The following SORT1 variants were observed in gnomAD, a reference collection of about 807,000 sequenced individuals.
SORT1 encodes the protein sortilin 1.
Under a neutral mutation model 101.7 loss-of-function variants are expected in SORT1, and 39 were observed. The ratio of observed to expected loss-of-function variants is 0.38; its 90% CI spans 0.30 to 0.50. The LOEUF is 0.50. Among genes scored for constraint, SORT1 ranks in the 20% least tolerant of loss-of-function variants. The pLI, the probability that SORT1 is intolerant of heterozygous loss-of-function variation, is 0.90. For missense variants in SORT1, 878 were observed against 1,040.4 expected, an observed-to-expected ratio of 0.84 and a Z score of 2.15; for synonymous variants, 396 against 393.7, an observed-to-expected ratio of 1.01 and a Z score of -0.07.
chr1:109,364,249 G>C (rs1650934576), intron 3 of SORT1, among the ~76,000 whole-genome samples: 1 of 152,166 alleles, frequency 6.6e-6, no homozygotes, highest in South Asian at 2.1e-4. Flanking sequence ...TCTGATGGTG[G>C]TGGTATTTAA....
At chr1:109,333,872 C>A (rs1648623336) in intron 11 of SORT1, among the ~76,000 whole-genome samples, 1 of 152,188 alleles carries the variant, frequency 6.6e-6, no homozygotes, top group South Asian at 2.1e-4. Flanking sequence ...CAGGGCCGAG[C>A]ATGGTGGCTC....
chr1:109,315,748 CTTTTTTTTTT>C (rs553898685), intron 17 of SORT1, among the ~76,000 whole-genome samples: 15 of 124,726 alleles, frequency 1.2e-4, no homozygotes, highest in Non-Finnish European at 2.3e-4. Context: ...GCCTCATAAC[CTTTTTTTTTT>C]TTTTTTTTTT....
At chr1:109,325,273 C>T (rs1038262886) in intron 13 of SORT1, among the ~76,000 whole-genome samples, 184 bp from the exon 14 acceptor site, 1 of 125,010 alleles carries the variant, frequency 8.0e-6, no homozygotes, top group Admixed American at 1.1e-4. Flanking sequence ...GAGTCTCACT[C>T]TGTCACCGGG....
At position 109,337,913 on chromosome 1, in the gene SORT1, A is replaced by T. The variant is rs1369650352; in HGVS notation, c.1265-1567T>A. 4.6e-5 allele frequency among the ~76,000 whole-genome samples: 7 copies of T among 152,252 alleles called. No homozygotes were observed. The East Asian group carries it at 1.3e-3, about 29-fold the overall frequency. On this transcript the variant is annotated intron_variant, in intron 10 of 19. Transcript: ENST00000256637. ...AGTGCTAGGATTACACGCATGAGCC[A>T]CTACACCCAGAGTGAAAACTTTTGT...
intron 2 of SORT1, among the ~76,000 whole-genome samples, chr1:109,369,002 T>C (rs982562988): frequency 6.6e-6 from 1 of 152,160 alleles, no homozygotes; most frequent in African/African-American, 2.4e-5. Context: ...GTGTCCATCT[T>C]CCCACCGTGG....
At chr1:109,371,166 G>C (rs1482512490) in intron 1 of SORT1, among the ~76,000 whole-genome samples, 1 of 152,226 alleles carries the variant, frequency 6.6e-6, no homozygotes, top group Non-Finnish European at 1.5e-5. Flanking sequence ...GCTCGGCAGA[G>C]CTTCTCACAG....
chr1:109,341,550 T>C (rs1031490775), intron 9 of SORT1, among the ~76,000 whole-genome samples: 1 of 152,022 alleles, frequency 6.6e-6, no homozygotes, highest in East Asian at 1.9e-4. Flanking sequence ...GGGGTTTCAC[T>C]GTGTTAGCCA....
At chr1:109,314,118 A>G in intron 19 of SORT1, 61 bp from the exon 20 acceptor site, 1 of 1,608,482 alleles carries the variant, frequency 6.2e-7, no homozygotes, top group Non-Finnish European at 8.5e-7. Context: ...AAAAGCAATC[A>G]CCTAGTTTCT....
chr1:109,319,587 C>A (rs540105585), intron 15 of SORT1, among the ~76,000 whole-genome samples: 1 of 152,276 alleles, frequency 6.6e-6, no homozygotes, highest in East Asian at 1.9e-4. Flanking sequence ...AGTGTCTGGG[C>A]CGGGCGTGGT....
In SORT1 at chr1:109,340,065, C is replaced by T. The variant is rs139949469; in HGVS notation, c.1264+659G>A. Among the ~76,000 whole-genome samples the T allele has an allele frequency of 2.2e-3, 333 of 150,372 alleles. 1 individual carries two copies. Among genetic ancestry groups the T allele is most frequent in the African/African-American group, 7.9e-3 (323 of 40,950 alleles). On this transcript the variant is annotated intron_variant, in intron 10 of 19. Transcript: ENST00000256637. ...TCAGGAGGCTGAGGCAGGAGAATCC[C>T]TTGAACTTGGGAGACCAAGGTTGCA...
intron 3 of SORT1, chr1:109,366,896 A>C (rs1651126446): frequency 7.5e-6 from 1 of 133,284 alleles, no homozygotes; most frequent in Admixed American, 8.2e-5. Context: ...TGAGTGACAG[A>C]GCTAGACCCT....
At chr1:109,362,393 T>C (rs1302587343) in intron 3 of SORT1, among the ~76,000 whole-genome samples, 1 of 152,118 alleles carries the variant, frequency 6.6e-6, no homozygotes, top group South Asian at 2.1e-4. Flanking sequence ...AGGTAAAAGA[T>C]CAATAGGGAG....
At chr1:109,397,550 C>T in intron 1 of SORT1, 37 bp downstream of exon 1, 3 of 1,134,374 alleles carry the variant, frequency 2.6e-6, no homozygotes, top group Non-Finnish European at 3.2e-6. Context: ...GGCGGCACCT[C>T]GCACCCGAGC....
chr1:109,365,530 G>A (rs1245220023), intron 3 of SORT1, among the ~76,000 whole-genome samples: 2 of 152,154 alleles, frequency 1.3e-5, no homozygotes, highest in African/African-American at 4.8e-5. Flanking sequence ...CTACTGTTCT[G>A]ATTGAATAAA....
rs765315136 is a variant in SORT1, at chr1:109,323,089, G to A, written c.1867C>T (p.His623Tyr). Residue 623 changes from histidine to tyrosine, a missense_variant, in exon 15 of 20, where the codon CAC becomes TAC. By Grantham distance (83) the His-to-Tyr change is moderately conservative (BLOSUM62 2). Coordinates refer to ENST00000256637, the MANE Select transcript of SORT1 (RefSeq NM_002959.7). ...TCATAATCTTCAGGGTCTGTGGAGT[G>A]TGCCAGCCATATGGTATAGTCCTTC... is the stretch of plus-strand genomic sequence containing the variant. ...EEKDYTIWLA[H>Y]STDPEDYEDG... The A allele has an allele frequency of 6.2e-7, 1 of 1,613,950 alleles. No individual in the cohort carries two copies. Among genetic ancestry groups the A allele is most frequent in the Non-Finnish European group, 8.5e-7 (1 of 1,179,932 alleles).
In SORT1 at chr1:109,316,240, C is replaced by T. The variant is rs543211522; in HGVS notation, c.2250+610G>A. 1.4e-4 allele frequency among the ~76,000 whole-genome samples: 21 copies of T among 150,952 alleles called. No homozygotes were observed. The East Asian group carries it at 3.1e-3, about 22-fold the overall frequency. On this transcript the variant is annotated intron_variant, in intron 17 of 19. Transcript: ENST00000256637. ...CACAGACAACCTTTTTTTTTTGGTA[C>T]GGAGTCTTGCTCTGTTGCCCAGGTT...
chr1:109,345,540 A>G (rs1037126758), intron 8 of SORT1, among the ~76,000 whole-genome samples: 1 of 152,050 alleles, frequency 6.6e-6, no homozygotes, highest in Non-Finnish European at 1.5e-5. Flanking sequence ...CCCAAAAAAG[A>G]TAACAGAATT....
At chr1:109,377,254 A>G (rs1268312894) in intron 1 of SORT1, among the ~76,000 whole-genome samples, 2 of 152,208 alleles carry the variant, frequency 1.3e-5, no homozygotes, top group East Asian at 3.8e-4. Flanking sequence ...GGCAGACGCT[A>G]TAATTTGGTA....
chr1:109,361,624 T>G (rs949906967), intron 3 of SORT1, among the ~76,000 whole-genome samples: 6 of 152,238 alleles, frequency 3.9e-5, no homozygotes, highest in African/African-American at 1.4e-4. Flanking sequence ...CTATAAATTA[T>G]AACATAAAAG....
Sources: gnomAD v4.1 joint callset for allele counts (sites outside exome capture counted in the v4.1 genomes callset) on GRCh38, gnomAD v4.1.1 for gene constraint, MANE v1.5 for transcripts, NCBI Gene and HGNC (gene_info 2026-07-23, HGNC 2026-07-21) for gene names.